Variants in PDE3B observed in about 807,000 individuals in gnomAD.
The protein encoded by PDE3B is phosphodiesterase 3B, also known as cGMP-inhibited 3',5'-cyclic phosphodiesterase 3B.
Under a neutral mutation model 116.8 loss-of-function variants are expected in PDE3B, and 66 were observed. The ratio of observed to expected loss-of-function variants is 0.56; its 90% CI spans 0.46 to 0.69. The LOEUF (loss-of-function observed/expected upper bound fraction) is 0.69, where lower values mean the gene tolerates loss of function less well. Ranked by LOEUF, PDE3B falls within the 30% of genes least tolerant of loss-of-function variation. PDE3B has a pLI of 0.00. For synonymous variants in PDE3B, 595 were observed against 533.6 expected (o/e 1.12, Z -1.59); for missense variants, 1,384 against 1,368.1 (o/e 1.01, Z -0.18).
At chr11:14,649,288 G>A (rs992698607) in intron 1 of PDE3B, among the ~76,000 whole-genome samples, 2 of 151,956 alleles carry the variant, frequency 1.3e-5, no homozygotes, top group African/African-American at 2.4e-5. Context: ...TATTCTTGCC[G>A]AAAAAGCCTA....
intron 1 of PDE3B, among the ~76,000 whole-genome samples, chr11:14,750,864 A>C (rs968607251): frequency 2.0e-5 from 3 of 152,196 alleles, no homozygotes; most frequent in African/African-American, 7.2e-5. Context: ...ACATAAAATA[A>C]ACCAAGATCT....
At position 14,839,403 on chromosome 11, in the gene PDE3B, A is replaced by C. The variant is rs549917584; in HGVS notation, c.2320+4308A>C. On this transcript the variant is annotated intron_variant, in intron 11 of 15. Coordinates refer to ENST00000282096, the MANE Select transcript of PDE3B (RefSeq NM_000922.4). ...CTACTAGCAAATACTTAATAGATGCAGGAATGGTGATTTCCATCACATTGC... is the reference window on the plus strand; with the variant it reads ...CTACTAGCAAATACTTAATAGATGCCGGAATGGTGATTTCCATCACATTGC... Among the ~76,000 whole-genome samples the C allele has an allele frequency of 3.9e-5, 6 of 152,366 alleles. No homozygotes were observed. The East Asian group carries it at 1.2e-3, about 29-fold the overall frequency.
At chr11:14,645,764 CAT>C (rs1473914519) in intron 1 of PDE3B, among the ~76,000 whole-genome samples, 2 of 151,644 alleles carry the variant, frequency 1.3e-5, no homozygotes, top group Admixed American at 1.3e-4. Context: ...CATAGGTTTA[CAT>C]ATTTTTGTTT....
intron 4 of PDE3B, among the ~76,000 whole-genome samples, chr11:14,789,712 A>C (rs575115330): frequency 6.6e-6 from 1 of 152,150 alleles, no homozygotes; most frequent in East Asian, 1.9e-4. Flanking sequence ...AGGTTGAGAC[A>C]ACTAATATAT....
chr11:14,672,035 A>ATATATATATACATATATATATG (rs1486300305), intron 1 of PDE3B, among the ~76,000 whole-genome samples: 37 of 145,382 alleles, frequency 2.5e-4, no homozygotes, highest in Non-Finnish European at 5.0e-4. Flanking sequence ...AAAAATATAT[A>ATATATATATACATATATATATG]TATATATATA....
chr11:14,842,844 ATATATT>A (rs1396004611), intron 11 of PDE3B, among the ~76,000 whole-genome samples: 7 of 152,212 alleles, frequency 4.6e-5, no homozygotes, highest in African/African-American at 1.4e-4. Context: ...AAATAATGAG[ATATATT>A]TATAATTGTC....
At chr11:14,826,504 C>G (rs1387491307) in intron 7 of PDE3B, among the ~76,000 whole-genome samples, 1 of 152,070 alleles carries the variant, frequency 6.6e-6, no homozygotes, top group Non-Finnish European at 1.5e-5. Context: ...TACACACAAA[C>G]TAGAAAACCT....
chr11:14,735,208 A>T (rs909425213), intron 1 of PDE3B, among the ~76,000 whole-genome samples: 1 of 152,208 alleles, frequency 6.6e-6, no homozygotes, highest in African/African-American at 2.4e-5. Flanking sequence ...AGGAAGATGA[A>T]AAGTTTCTAG....
chr11:14,665,266 C>T (rs1854094350), intron 1 of PDE3B, among the ~76,000 whole-genome samples: 2 of 152,256 alleles, frequency 1.3e-5, no homozygotes, highest in South Asian at 4.1e-4. Context: ...TGGGACATAT[C>T]TCAAAATAAT....
intron 1 of PDE3B, among the ~76,000 whole-genome samples, chr11:14,658,514 C>A (rs1203555395): frequency 1.3e-5 from 2 of 152,158 alleles, no homozygotes; most frequent in African/African-American, 2.4e-5. Flanking sequence ...CGCCAACACT[C>A]CCAGCTAATT....
chr11:14,876,423 A>G (rs1848189963), downstream of PDE3B, among the ~76,000 whole-genome samples: 1 of 152,194 alleles, frequency 6.6e-6, no homozygotes, highest in African/African-American at 2.4e-5. Flanking sequence ...GGCAGACACT[A>G]TAGTTGGTCT....
intron 1 of PDE3B, among the ~76,000 whole-genome samples, chr11:14,655,971 A>G (rs1234442344): frequency 6.6e-6 from 1 of 152,218 alleles, no homozygotes; most frequent in African/African-American, 2.4e-5. Flanking sequence ...GATTTTCAGA[A>G]GAGAAGAGAC....
At chr11:14,761,629 A>G (rs557769495) in intron 1 of PDE3B, among the ~76,000 whole-genome samples, 2 of 152,288 alleles carry the variant, frequency 1.3e-5, no homozygotes, top group South Asian at 4.1e-4. Context: ...TTATAAGTAT[A>G]GGATACCATG....
At chr11:14,824,083 C>T (rs754622424) in intron 7 of PDE3B, among the ~76,000 whole-genome samples, 9 of 152,192 alleles carry the variant, frequency 5.9e-5, no homozygotes, top group Admixed American at 3.3e-4. Context: ...CTGTTCTCCA[C>T]GTAGGTCCTG....
chr11:14,833,046 G>A (rs1302007385), intron 10 of PDE3B, among the ~76,000 whole-genome samples: 4 of 151,620 alleles, frequency 2.6e-5, no homozygotes, highest in African/African-American at 7.3e-5. Context: ...CGCCCCCCAC[G>A]TTCAAGTGAT....
intron 4 of PDE3B, among the ~76,000 whole-genome samples, chr11:14,798,174 A>G (rs561183441): frequency 6.6e-6 from 1 of 152,234 alleles, no homozygotes. Context: ...ACTTTTGTGC[A>G]TCTATTGAGA....
rs756599745 is a variant in PDE3B, at chr11:14,644,167, A to C, written c.92A>C (p.Tyr31Ser). The C allele has an allele frequency of 8.2e-6, 13 of 1,595,042 alleles. No homozygotes were observed. In the Admixed American group the frequency reaches 1.3e-4, roughly 16 times the overall value. The change falls in exon 1 of 16, where the codon TAC becomes TCC. Residue 31 changes from tyrosine (Y) to serine (S), a missense_variant. Transcript: ENST00000282096. ...CCCCCCGAGAGTCTGAGGAACGGCT[A>C]CGTGAAGAGCTGCGTGAGCCCCTTG... is the stretch of plus-strand genomic sequence containing the variant. ...GSPPESLRNG[Y>S]VKSCVSPLRQ... is the part of the protein sequence containing the mutation.
the PDE3B span, among the ~76,000 whole-genome samples, chr11:14,889,342 CTT>C: frequency 2.0e-5 from 3 of 152,090 alleles, no homozygotes; most frequent in Non-Finnish European, 1.5e-5. Flanking sequence ...AACTTTGAGA[CTT>C]TGTCAGAATT....
chr11:14,879,390 A>C, the PDE3B span: 4 of 1,609,014 alleles, frequency 2.5e-6, no homozygotes, highest in Non-Finnish European at 3.4e-6. Flanking sequence ...TTGTCGTCCC[A>C]AGAAGGCTTC....
Sources: gnomAD v4.1 joint callset for allele counts (sites outside exome capture counted in the v4.1 genomes callset) on GRCh38, gnomAD v4.1.1 for gene constraint, MANE v1.5 for transcripts, NCBI Gene and HGNC (gene_info 2026-07-23, HGNC 2026-07-21) for gene names.